The following DPP6 variants were observed in gnomAD, a reference collection of about 807,000 sequenced individuals.
The protein encoded by DPP6 is dipeptidyl peptidase like 6, also known as A-type potassium channel modulatory protein DPP6.
DPP6 carries 69 observed loss-of-function variants against 122.6 expected under a neutral mutation model. The ratio of observed to expected loss-of-function variants is 0.56; its 90% CI spans 0.46 to 0.69. The LOEUF (loss-of-function observed/expected upper bound fraction) is 0.69, where lower values mean the gene tolerates loss of function less well. Ranked by LOEUF, DPP6 falls within the 30% of genes least tolerant of loss-of-function variation. DPP6 has a pLI of 0.00. For missense variants in DPP6, 928 were observed against 1,116.9 expected (o/e 0.83, Z 2.41); for synonymous variants, 418 against 433.1 (o/e 0.97, Z 0.43).
At chr7:154,247,919 G>A (rs548381628) in intron 1 of DPP6, among the ~76,000 whole-genome samples, 115 of 152,168 alleles carry the variant, frequency 7.6e-4, no homozygotes, top group African/African-American at 2.6e-3. Context: ...TGTGTTAGTC[G>A]GTTTGGGCTG....
At chr7:154,515,845 C>A (rs998671944) in intron 3 of DPP6, among the ~76,000 whole-genome samples, 2 of 152,090 alleles carry the variant, frequency 1.3e-5, no homozygotes, top group Non-Finnish European at 2.9e-5. Context: ...CTCTAAGTTC[C>A]CACAGTGCAC....
chr7:154,191,062 G>A (rs1190111880), intron 1 of DPP6, among the ~76,000 whole-genome samples: 1 of 152,204 alleles, frequency 6.6e-6, no homozygotes, highest in Non-Finnish European at 1.5e-5. Context: ...TGCAGAGAAA[G>A]TCAGTGAACA....
rs189764211 is a variant in DPP6, at chr7:154,726,560, C to T, written c.763-1207C>T. Among the ~76,000 whole-genome samples, 7 of 152,302 alleles carry T rather than the reference C, an allele frequency of 4.6e-5. No individual in the cohort carries two copies. In the East Asian group the frequency reaches 5.8e-4, roughly 13 times the overall value. On this transcript the variant is annotated intron_variant, in intron 7 of 25. Transcript: ENST00000377770. ...GCACAGAGAAGTGGGACTCTGAGCC[C>T]GGCCCATGAAACCATTCTTTCCTCC...
intron 1 of DPP6, among the ~76,000 whole-genome samples, chr7:154,407,936 G>T (rs1816260050): frequency 6.6e-6 from 1 of 152,168 alleles, no homozygotes; most frequent in Admixed American, 6.5e-5. Context: ...GCAACCTTGT[G>T]CAAGATATTT....
the DPP6 span, among the ~76,000 whole-genome samples, chr7:153,830,648 C>T: frequency 1.3e-5 from 2 of 152,126 alleles, no homozygotes; most frequent in Non-Finnish European, 2.9e-5. Flanking sequence ...CATTCTTGTG[C>T]TCGTGCTTGG....
intron 10 of DPP6, among the ~76,000 whole-genome samples, chr7:154,790,663 C>T (rs1797615474): frequency 6.6e-6 from 1 of 152,030 alleles, no homozygotes; most frequent in South Asian, 2.1e-4. Flanking sequence ...TTTCTCAGGC[C>T]TCTGAGGTGA....
At chr7:154,243,725 G>A (rs13225067) in intron 1 of DPP6, among the ~76,000 whole-genome samples, 51,024 of 151,642 alleles carry the variant, frequency 0.34, 8,835 homozygotes, top group Middle Eastern at 0.41. Context: ...AACCCAGGAG[G>A]CCAGAGCTTG....
At chr7:154,735,083 C>CTGAA in intron 8 of DPP6, among the ~76,000 whole-genome samples, 1 of 152,344 alleles carries the variant, frequency 6.6e-6, no homozygotes, top group East Asian at 1.9e-4. Flanking sequence ...GTTGAAAACT[C>CTGAA]TGAAGCTCTA....
At chr7:153,957,909 A>G (rs1795140421) in intron 1 of DPP6, among the ~76,000 whole-genome samples, 1 of 152,138 alleles carries the variant, frequency 6.6e-6, no homozygotes, top group Non-Finnish European at 1.5e-5. Context: ...CACACCTGTA[A>G]TCCCAGCACT....
chr7:154,127,414 TTTAC>T (rs1807967146), intron 1 of DPP6, among the ~76,000 whole-genome samples: 1 of 152,114 alleles, frequency 6.6e-6, no homozygotes, highest in African/African-American at 2.4e-5. Context: ...AGAAAAGGGC[TTTAC>T]TTGCACTGGA....
chr7:153,794,431 A>G, the DPP6 span, among the ~76,000 whole-genome samples: 67,074 of 152,016 alleles, frequency 0.44, 15,043 homozygotes, highest in South Asian at 0.54. Context: ...ACTTTCTTTC[A>G]GCCAATTTCT....
At chr7:153,983,432 G>C (rs973564995) in intron 1 of DPP6, among the ~76,000 whole-genome samples, 3 of 152,222 alleles carry the variant, frequency 2.0e-5, no homozygotes, top group African/African-American at 7.2e-5. Context: ...AACTTCAGAC[G>C]GCTGTGCTGG....
chr7:154,877,218 G>T lies in DPP6; in HGVS notation c.2078+1118G>T, dbSNP rs1019169431. ...GAAAACAATGAGCGTGTGAATGAAT[G>T]GTTCCGGTCCTCCTCCAGGGAGCTA... On this transcript the variant is annotated intron_variant, in intron 20 of 25. Coordinates refer to ENST00000377770, the MANE Select transcript of DPP6 (RefSeq NM_130797.4). The surrounding 1 kb of genome is among the most constrained non-coding windows in gnomAD (Gnocchi z 5.2). 1 of 152,222 alleles carries T rather than the reference G, an allele frequency of 6.6e-6. No homozygotes were observed. Among genetic ancestry groups the T allele is most frequent in the African/African-American group, 2.4e-5 (1 of 41,446 alleles). The allele number at this position is 152,222 out of a possible 1,614,324, so 9.4% of individuals were successfully genotyped here. A position where few individuals can be genotyped will look rare whatever the true frequency, so the allele number is the denominator to read the frequency against.
intron 6 of DPP6, among the ~76,000 whole-genome samples, chr7:154,653,997 T>C (rs146366034): frequency 1.1e-3 from 172 of 151,962 alleles, no homozygotes; most frequent in African/African-American, 4.0e-3. Flanking sequence ...AAAGGATGGT[T>C]GCATCTGTAC....
At chr7:154,364,898 G>C (rs947883949) in intron 1 of DPP6, among the ~76,000 whole-genome samples, 2 of 152,170 alleles carry the variant, frequency 1.3e-5, no homozygotes, top group African/African-American at 2.4e-5. Context: ...AAAAATGTAG[G>C]CACCCAGCTG....
chr7:154,780,457 G>A (rs2150401498), intron 10 of DPP6, among the ~76,000 whole-genome samples: 1 of 152,338 alleles, frequency 6.6e-6, no homozygotes, highest in East Asian at 1.9e-4. Context: ...CTTATAATGA[G>A]CAGGAGACAT....
At chr7:154,795,564 G>A (rs979937687) in intron 11 of DPP6, among the ~76,000 whole-genome samples, 1 of 152,110 alleles carries the variant, frequency 6.6e-6, no homozygotes, top group Non-Finnish European at 1.5e-5. Context: ...TCCCCCAGAG[G>A]GTTCTTTTCC....
chr7:154,433,741 G>A (rs990643934), intron 1 of DPP6, among the ~76,000 whole-genome samples: 1 of 152,294 alleles, frequency 6.6e-6, no homozygotes, highest in South Asian at 2.1e-4. Flanking sequence ...TTATACAAAT[G>A]CATTATATCT....
chr7:154,064,261 C>T (rs892380873), intron 1 of DPP6, among the ~76,000 whole-genome samples: 9 of 152,290 alleles, frequency 5.9e-5, no homozygotes, highest in South Asian at 4.1e-4. Flanking sequence ...TGCACTGGCC[C>T]GTCCTGCCAT....
Sources: allele counts gnomAD v4.1 joint callset (sites outside exome capture counted in the v4.1 genomes callset), GRCh38; gene constraint gnomAD v4.1.1; non-coding constraint Gnocchi (gnomAD v3.1); transcripts MANE v1.5; gene names NCBI Gene and HGNC (gene_info 2026-07-23, HGNC 2026-07-21).